STT3B: variants seen among roughly 807,000 people sequenced by gnomAD.
The protein encoded by STT3B is dolichyl-diphosphooligosaccharide--protein glycosyltransferase subunit STT3B.
In STT3B, 29 loss-of-function variants were observed where a neutral mutation model predicts 96.8. The observed-to-expected ratio is 0.30, with a 90% CI of 0.22 to 0.41. STT3B has a LOEUF of 0.41. Ranked by LOEUF, STT3B falls within the 10% of genes least tolerant of loss-of-function variation. The pLI is 1.00. For missense variants in STT3B, 640 were observed against 1,022.3 expected (o/e 0.63, Z 5.10); for synonymous variants, 367 against 360.0 (o/e 1.02, Z -0.22).
intron 3 of STT3B, among the ~76,000 whole-genome samples, chr3:31,583,504 A>C (rs1698462227): frequency 6.6e-6 from 1 of 151,956 alleles, no homozygotes; most frequent in Non-Finnish European, 1.5e-5. Flanking sequence ...TTTGAATTTT[A>C]TAGAGTTAAA....
At position 31,586,513 on chromosome 3, in the gene STT3B, T is replaced by G. The variant is rs1410482312; in HGVS notation, c.711+6417T>G. On this transcript the variant is annotated intron_variant, in intron 3 of 15. Transcript: ENST00000295770. Reference sequence around the variant, plus strand: ...GTCTCATGTATTTACTTATAGAAATTAAATAGTTTTAGGTTTAACAGTCAG... The same window carrying G: ...GTCTCATGTATTTACTTATAGAAATGAAATAGTTTTAGGTTTAACAGTCAG... Among the ~76,000 whole-genome samples, 6 of 152,092 alleles carry G rather than the reference T, an allele frequency of 3.9e-5. No homozygotes were observed. In the East Asian group the frequency reaches 1.2e-3, roughly 29 times the overall value.
chr3:31,582,175 TTCTC>T (rs1484476483), intron 3 of STT3B, among the ~76,000 whole-genome samples: 2 of 152,128 alleles, frequency 1.3e-5, no homozygotes, highest in African/African-American at 2.4e-5. Context: ...TCTTTTTCTT[TTCTC>T]TCTTTTAGTG....
At chr3:31,613,071 G>A (rs1349782731) in intron 5 of STT3B, among the ~76,000 whole-genome samples, 1 of 152,156 alleles carries the variant, frequency 6.6e-6, no homozygotes, top group African/African-American at 2.4e-5. Context: ...ATGTGGAGTA[G>A]TAAGAGCTTA....
At chr3:31,618,316 TTTTA>T (rs1419359149) in intron 8 of STT3B, among the ~76,000 whole-genome samples, 1 of 152,006 alleles carries the variant, frequency 6.6e-6, no homozygotes, top group African/African-American at 2.4e-5. Flanking sequence ...AGTAATAATT[TTTTA>T]TTCTTAAGAA....
intron 1 of STT3B, among the ~76,000 whole-genome samples, chr3:31,575,478 A>G (rs1222214366): frequency 6.6e-6 from 1 of 151,584 alleles, no homozygotes; most frequent in Non-Finnish European, 1.5e-5. Context: ...GGGGGGGGAT[A>G]TGTTGCTTAT....
At chr3:31,591,152 GT>G (rs1458519652) in intron 3 of STT3B, among the ~76,000 whole-genome samples, 2 of 151,904 alleles carry the variant, frequency 1.3e-5, no homozygotes, top group African/African-American at 4.8e-5. Context: ...TTAAGGATTT[GT>G]TTTAGGTCCC....
intron 1 of STT3B, among the ~76,000 whole-genome samples, chr3:31,543,177 T>C (rs1380362511): frequency 2.0e-5 from 3 of 152,066 alleles, no homozygotes; most frequent in South Asian, 4.1e-4. Context: ...GTTTTATTAA[T>C]ACAAAACAAA....
intron 1 of STT3B, among the ~76,000 whole-genome samples, chr3:31,545,083 T>C (rs1394305166): frequency 1.3e-5 from 2 of 152,212 alleles, no homozygotes; most frequent in African/African-American, 4.8e-5. Context: ...TAAGCAGCTT[T>C]ATGGCATTTG....
At chr3:31,599,688 AAATT>A (rs1399822538) in intron 4 of STT3B, among the ~76,000 whole-genome samples, 1 of 152,194 alleles carries the variant, frequency 6.6e-6, no homozygotes. Flanking sequence ...GTGTACCAAA[AAATT>A]AATTAATTCT....
At chr3:31,627,568 C>T (rs1301515283) in intron 13 of STT3B, among the ~76,000 whole-genome samples, 1 of 152,184 alleles carries the variant, frequency 6.6e-6, no homozygotes, top group Non-Finnish European at 1.5e-5. Flanking sequence ...GAGTAATTGC[C>T]ACTGATCCAG....
chr3:31,565,993 C>T (rs906635087), intron 1 of STT3B, among the ~76,000 whole-genome samples: 12 of 151,972 alleles, frequency 7.9e-5, no homozygotes, highest in African/African-American at 1.4e-4. Flanking sequence ...TCTATAGATA[C>T]GCATGCCATT....
At chr3:31,626,932 C>T (rs1036056918) in intron 13 of STT3B, among the ~76,000 whole-genome samples, 1 of 152,092 alleles carries the variant, frequency 6.6e-6, no homozygotes, top group Non-Finnish European at 1.5e-5. Context: ...TCTACTCTGC[C>T]AGTATGTTCT....
chr3:31,593,026 G>A (rs188720665), intron 3 of STT3B, among the ~76,000 whole-genome samples: 1 of 152,202 alleles, frequency 6.6e-6, no homozygotes, highest in African/African-American at 2.4e-5. Flanking sequence ...GTACTTGGAG[G>A]ACAAGCTTCC....
intron 3 of STT3B, among the ~76,000 whole-genome samples, chr3:31,594,436 G>GTTT (rs36046046): frequency 0.051 from 7,304 of 143,354 alleles, 629 homozygotes; most frequent in African/African-American, 0.18. Flanking sequence ...CCCCCTCAAG[G>GTTT]TTTTTTTTTT....
At chr3:31,535,161 T>C (rs972206890) in intron 1 of STT3B, among the ~76,000 whole-genome samples, 9 of 152,102 alleles carry the variant, frequency 5.9e-5, no homozygotes, top group Admixed American at 4.6e-4. Context: ...GGGCTGAAAT[T>C]AAAGATTGCA....
intron 5 of STT3B, among the ~76,000 whole-genome samples, chr3:31,606,749 C>T (rs1384487365): frequency 6.6e-6 from 1 of 152,228 alleles, no homozygotes; most frequent in East Asian, 1.9e-4. Flanking sequence ...CACTGGGGCA[C>T]TGCCAAGTGG....
intron 3 of STT3B, among the ~76,000 whole-genome samples, chr3:31,582,407 G>A (rs560002886): frequency 6.6e-6 from 1 of 150,492 alleles, no homozygotes; most frequent in Non-Finnish European, 1.5e-5. Flanking sequence ...GCGATTCTCT[G>A]CCTCAGCCTC....
At chr3:31,585,886 G>T (rs1219568548) in intron 3 of STT3B, among the ~76,000 whole-genome samples, 1 of 151,948 alleles carries the variant, frequency 6.6e-6, no homozygotes, top group African/African-American at 2.4e-5. Flanking sequence ...CCAGTTTTTG[G>T]CAATGATGAA....
At chr3:31,614,613 G>C (rs1575441984) in intron 5 of STT3B, among the ~76,000 whole-genome samples, 1 of 151,814 alleles carries the variant, frequency 6.6e-6, no homozygotes. Flanking sequence ...TTAACTCATA[G>C]TACTATACAA....
Sources: allele counts gnomAD v4.1 joint callset (sites outside exome capture counted in the v4.1 genomes callset), GRCh38; gene constraint gnomAD v4.1.1; transcripts MANE v1.5; gene names NCBI Gene and HGNC (gene_info 2026-07-23, HGNC 2026-07-21).